MEGF11: variants seen among roughly 807,000 people sequenced by gnomAD.
MEGF11 encodes multiple EGF like domains 11, also known as multiple epidermal growth factor-like domains protein 11.
MEGF11 carries 126 observed loss-of-function variants against 146.6 expected under a neutral mutation model. The observed-to-expected ratio is 0.86, with a 90% confidence interval of 0.74 to 1.00. MEGF11 has a LOEUF of 1.00. Among genes scored for constraint, MEGF11 ranks in the 50% least tolerant of loss-of-function variants. The probability of loss-of-function intolerance (pLI) is 0.00; values close to 1 mark genes in which losing one functional copy is unlikely to be tolerated. For synonymous variants in MEGF11, 532 were observed against 583.4 expected (o/e 0.91, Z 1.27); for missense variants, 1,509 against 1,521.2 (o/e 0.99, Z 0.13).
intron 1 of MEGF11, among the ~76,000 whole-genome samples, chr15:66,226,745 G>C (rs1056212087): frequency 1.4e-4 from 21 of 152,046 alleles, no homozygotes; most frequent in Non-Finnish European, 1.5e-5. Flanking sequence ...CATCCACTGG[G>C]GGGGCTTGGA....
At chr15:66,038,472 T>C (rs1022776230) in intron 5 of MEGF11, among the ~76,000 whole-genome samples, 1 of 152,162 alleles carries the variant, frequency 6.6e-6, no homozygotes, top group Non-Finnish European at 1.5e-5. Context: ...TTAGAATCTG[T>C]TTTTCACTAT....
chr15:66,114,653 G>A (rs891087084), intron 4 of MEGF11, among the ~76,000 whole-genome samples: 44 of 152,258 alleles, frequency 2.9e-4, no homozygotes, highest in Non-Finnish European at 5.3e-4. Context: ...CTTGGAGGGA[G>A]GGAGGAAGGC....
At chr15:65,942,593 A>G (rs2080035947) in intron 10 of MEGF11, among the ~76,000 whole-genome samples, 1 of 152,104 alleles carries the variant, frequency 6.6e-6, no homozygotes, top group South Asian at 2.1e-4. Context: ...CTCAGATGCT[A>G]TCAGCATCCC....
chr15:66,089,744 G>C (rs2086247747), intron 5 of MEGF11, among the ~76,000 whole-genome samples: 1 of 152,206 alleles, frequency 6.6e-6, no homozygotes, highest in Non-Finnish European at 1.5e-5. Context: ...GGAAATAAAA[G>C]TTATGAATAA....
At chr15:66,152,359 A>G (rs2089601808) in intron 1 of MEGF11, among the ~76,000 whole-genome samples, 1 of 152,082 alleles carries the variant, frequency 6.6e-6, no homozygotes, top group Non-Finnish European at 1.5e-5. Context: ...GGAACTGGGC[A>G]TGGATCCCAG....
At chr15:65,949,708 C>A (rs1335071304) in intron 10 of MEGF11, among the ~76,000 whole-genome samples, 1 of 152,208 alleles carries the variant, frequency 6.6e-6, no homozygotes, top group Admixed American at 6.5e-5. Flanking sequence ...CGGGAGGAGG[C>A]AGCCGGAAGG....
intron 5 of MEGF11, among the ~76,000 whole-genome samples, chr15:66,067,078 A>T (rs751187715): frequency 1.3e-4 from 20 of 152,194 alleles, no homozygotes; most frequent in Non-Finnish European, 2.6e-4. Flanking sequence ...CATAGGTTTG[A>T]TATGAGGATT....
intron 5 of MEGF11, among the ~76,000 whole-genome samples, chr15:66,090,120 G>T (rs1314150587): frequency 2.6e-5 from 4 of 152,148 alleles, no homozygotes; most frequent in Non-Finnish European, 5.9e-5. Flanking sequence ...TCAGCTAGGG[G>T]CTTATAAGTC....
chr15:66,173,725 G>T (rs758975863), intron 1 of MEGF11, among the ~76,000 whole-genome samples: 1 of 152,160 alleles, frequency 6.6e-6, no homozygotes, highest in Non-Finnish European at 1.5e-5. Flanking sequence ...AGACCAGTGA[G>T]GTCGACAGGG....
intron 5 of MEGF11, among the ~76,000 whole-genome samples, chr15:66,058,115 A>C (rs2084752898): frequency 6.6e-6 from 1 of 152,158 alleles, no homozygotes; most frequent in Non-Finnish European, 1.5e-5. Flanking sequence ...TTGTTCTCTG[A>C]TGTTTTTTAT....
Position 65,980,890 on chromosome 15 carries a change from T to C in MEGF11, c.650A>G (p.Glu217Gly). 6.3e-7 allele frequency: 1 copy of C among 1,582,656 alleles called. No individual in the cohort carries two copies. The highest frequency in any genetic ancestry group is 1.8e-5 in the Admixed American group (1 of 54,674). ...TCCATGGCTCCCAGGAGGGCACAGC[T>C]CCTCGCAGCTGCATGGAGAAGCAGA... ...APGYTGVYCE[E>G]LCPPGSHGAH... Residue 217 changes from glutamate (E) to glycine (G), a missense_variant, in exon 7 of 26, where the codon GAG (glutamate) becomes GGG (glycine). By Grantham distance (98) the Glu-to-Gly change is moderately conservative. Transcript: ENST00000395614.
At chr15:66,040,976 C>T (rs1052399204) in intron 5 of MEGF11, among the ~76,000 whole-genome samples, 1 of 151,870 alleles carries the variant, frequency 6.6e-6, no homozygotes, top group Non-Finnish European at 1.5e-5. Flanking sequence ...TAGCCCTGCC[C>T]GAGACCATGC....
chr15:66,154,363 T>G (rs942766755), intron 1 of MEGF11, among the ~76,000 whole-genome samples: 1 of 152,176 alleles, frequency 6.6e-6, no homozygotes, highest in Non-Finnish European at 1.5e-5. Context: ...TCTTCTGGGA[T>G]CTGCAGCAAA....
intron 19 of MEGF11, 72 bp downstream of exon 19, chr15:65,915,398 G>A (rs1191601168): frequency 7.7e-6 from 12 of 1,550,992 alleles, no homozygotes; most frequent in Admixed American, 3.7e-5. Context: ...CCAGCTGTTC[G>A]AGTTGGAATC....
At chr15:66,132,463 T>C (rs1302008164) in intron 1 of MEGF11, among the ~76,000 whole-genome samples, 1 of 152,230 alleles carries the variant, frequency 6.6e-6, no homozygotes, top group Non-Finnish European at 1.5e-5. Flanking sequence ...CCAACGTGCC[T>C]GCAGCCTGCT....
intron 10 of MEGF11, among the ~76,000 whole-genome samples, chr15:65,954,072 C>A (rs1467478649): frequency 2.0e-5 from 3 of 152,124 alleles, no homozygotes; most frequent in Admixed American, 2.0e-4. Context: ...CTGATTTACT[C>A]CTCCCATCGT....
chr15:65,988,465 A>C (rs2081937789), intron 5 of MEGF11, among the ~76,000 whole-genome samples: 2 of 152,224 alleles, frequency 1.3e-5, no homozygotes, highest in African/African-American at 4.8e-5. Flanking sequence ...TTTATGACAG[A>C]ATACTATTCA....
chr15:66,147,554 T>G (rs1014405386), intron 1 of MEGF11, among the ~76,000 whole-genome samples: 3 of 152,108 alleles, frequency 2.0e-5, no homozygotes, highest in African/African-American at 4.8e-5. Context: ...GGGGCACACA[T>G]GCTGAGACCT....
intron 5 of MEGF11, among the ~76,000 whole-genome samples, chr15:66,013,391 C>A (rs556437807): frequency 4.4e-4 from 67 of 152,198 alleles, no homozygotes; most frequent in African/African-American, 1.5e-3. Flanking sequence ...CCAGGCCCCA[C>A]AACTGCTCTT....
Sources: gnomAD v4.1 joint callset for allele counts (sites outside exome capture counted in the v4.1 genomes callset) on GRCh38, gnomAD v4.1.1 for gene constraint, MANE v1.5 for transcripts, NCBI Gene and HGNC (gene_info 2026-07-23, HGNC 2026-07-21) for gene names.